Variants in SAMD4A observed in about 807,000 individuals in gnomAD.
The protein encoded by SAMD4A is protein Smaug homolog 1.
SAMD4A carries 33 observed loss-of-function variants against 81.3 expected under a neutral mutation model. The ratio of observed to expected loss-of-function variants is 0.41; its 90% CI spans 0.31 to 0.54. SAMD4A has a LOEUF of 0.54. Ranked by LOEUF, SAMD4A falls within the 20% of genes least tolerant of loss-of-function variation. SAMD4A has a pLI of 0.37. For synonymous variants in SAMD4A, 389 were observed against 382.1 expected (o/e 1.02, Z -0.21); for missense variants, 854 against 951.1 (o/e 0.90, Z 1.34).
At chr14:54,724,020 G>GGAAGGAAGGAAGGAA (rs2037343193) in intron 3 of SAMD4A, among the ~76,000 whole-genome samples, 3 of 144,834 alleles carry the variant, frequency 2.1e-5, no homozygotes, top group Non-Finnish European at 4.7e-5. Flanking sequence ...AAGGAAGGAA[G>GGAAGGAAGGAAGGAA]GAAGGAAGGA....
At chr14:54,637,949 A>G (rs1306666233) in intron 2 of SAMD4A, among the ~76,000 whole-genome samples, 1 of 152,190 alleles carries the variant, frequency 6.6e-6, no homozygotes, top group Non-Finnish European at 1.5e-5. Context: ...CCTCTCTGCT[A>G]ACACATTGCT....
intron 2 of SAMD4A, among the ~76,000 whole-genome samples, chr14:54,608,430 A>G (rs913681132): frequency 1.3e-5 from 2 of 152,248 alleles, no homozygotes; most frequent in African/African-American, 2.4e-5. Context: ...TTCCTGTTGC[A>G]TATATGTTCT....
intron 3 of SAMD4A, among the ~76,000 whole-genome samples, chr14:54,728,596 T>G (rs2037483401): frequency 6.6e-6 from 1 of 152,186 alleles, no homozygotes. Flanking sequence ...GTAGATTGAA[T>G]GCTTTAATGA....
At chr14:54,691,375 G>A (rs2036433800) in intron 2 of SAMD4A, among the ~76,000 whole-genome samples, 1 of 152,026 alleles carries the variant, frequency 6.6e-6, no homozygotes, top group Admixed American at 6.6e-5. Flanking sequence ...TTCTGGTCCA[G>A]CCACTGAGCC....
chr14:54,719,616 G>A (rs2037210230), intron 3 of SAMD4A, among the ~76,000 whole-genome samples: 1 of 152,150 alleles, frequency 6.6e-6, no homozygotes, highest in African/African-American at 2.4e-5. Flanking sequence ...CAGAATCAAA[G>A]TCCAGAACGG....
rs962655920 is a variant in SAMD4A at position 54,792,099 on chromosome 14, A to G, written c.*3155A>G. On this transcript the variant is annotated 3_prime_UTR_variant, in exon 13 of 13. Transcript: ENST00000554335. ...TGGCTTCTTACCAGAAACAGTAGGA[A>G]GAAACACATGAACTGTGTACAAGAC... 3 of 152,266 alleles carry G rather than the reference A, an allele frequency of 2.0e-5. No homozygotes were observed. Among genetic ancestry groups the G allele is most frequent in the Non-Finnish European group, 4.4e-5 (3 of 68,050 alleles). The allele number at this position is 152,266 out of a possible 1,614,324, so 9.4% of individuals were successfully genotyped here. A position where few individuals can be genotyped will look rare whatever the true frequency, so the allele number is the denominator to read the frequency against.
chr14:54,607,682 C>T (rs1363860675), intron 2 of SAMD4A, among the ~76,000 whole-genome samples: 1 of 151,924 alleles, frequency 6.6e-6, no homozygotes, highest in Non-Finnish European at 1.5e-5. Flanking sequence ...TCTCGATCTC[C>T]TGACCTTGTG....
intron 3 of SAMD4A, among the ~76,000 whole-genome samples, chr14:54,725,360 G>T (rs951279431): frequency 1.3e-5 from 2 of 152,194 alleles, no homozygotes; most frequent in Non-Finnish European, 2.9e-5. Context: ...AAATGTGTGA[G>T]AGGAAAGGAA....
At chr14:54,714,419 G>C (rs1303749015) in intron 3 of SAMD4A, among the ~76,000 whole-genome samples, 1 of 152,074 alleles carries the variant, frequency 6.6e-6, no homozygotes, top group African/African-American at 2.4e-5. Context: ...GTGTGTCATT[G>C]TTTCTGTGAT....
At chr14:54,756,045 G>A (rs547344412) in intron 6 of SAMD4A, among the ~76,000 whole-genome samples, 104 of 152,212 alleles carry the variant, frequency 6.8e-4, no homozygotes, top group Middle Eastern at 3.4e-3. Context: ...GTCCTCTTGG[G>A]TTCAGATCTG....
chr14:54,699,554 A>G (rs564843771), intron 2 of SAMD4A, among the ~76,000 whole-genome samples: 10 of 152,234 alleles, frequency 6.6e-5, no homozygotes, highest in Non-Finnish European at 1.3e-4. Flanking sequence ...TGGCATTTTA[A>G]GACTTTTAAA....
chr14:54,670,199 C>T (rs1460945326), intron 2 of SAMD4A, among the ~76,000 whole-genome samples: 1 of 152,176 alleles, frequency 6.6e-6, no homozygotes, highest in Non-Finnish European at 1.5e-5. Flanking sequence ...CTGCACCACC[C>T]TCTTGTAAAT....
At chr14:54,587,933 A>T (rs764399982) in intron 2 of SAMD4A, among the ~76,000 whole-genome samples, 1 of 152,118 alleles carries the variant, frequency 6.6e-6, no homozygotes, top group Non-Finnish European at 1.5e-5. Context: ...CTCTTTCTCT[A>T]TCTTTTGGAA....
chr14:54,597,482 T>A (rs1741989830), intron 2 of SAMD4A, among the ~76,000 whole-genome samples: 1 of 151,478 alleles, frequency 6.6e-6, no homozygotes, highest in Admixed American at 6.6e-5. Flanking sequence ...TCCATGTTGG[T>A]CAGGCTGGTC....
intron 2 of SAMD4A, among the ~76,000 whole-genome samples, chr14:54,688,475 A>T (rs1417453710): frequency 6.6e-6 from 1 of 152,214 alleles, no homozygotes; most frequent in Non-Finnish European, 1.5e-5. Context: ...TTCATGAGCC[A>T]GCACAGGCTT....
intron 2 of SAMD4A, chr14:54,682,021 G>A: frequency 1.0e-6 from 1 of 985,344 alleles, no homozygotes; most frequent in Non-Finnish European, 1.2e-6. Context: ...TGGCCTTACA[G>A]AGTGTTAAGG....
intron 3 of SAMD4A, among the ~76,000 whole-genome samples, chr14:54,719,293 T>G (rs921254134): frequency 3.3e-5 from 5 of 152,126 alleles, no homozygotes; most frequent in African/African-American, 1.2e-4. Context: ...ATGACGGTCA[T>G]GAGGGTCCCA....
intron 2 of SAMD4A, among the ~76,000 whole-genome samples, chr14:54,672,311 T>C (rs2035902562): frequency 6.6e-6 from 1 of 152,076 alleles, no homozygotes; most frequent in South Asian, 2.1e-4. Flanking sequence ...TCTTTACTCT[T>C]CCTAAGCGCA....
chr14:54,749,178 G>T (rs2038037234), intron 5 of SAMD4A, among the ~76,000 whole-genome samples: 1 of 152,214 alleles, frequency 6.6e-6, no homozygotes, highest in South Asian at 2.1e-4. Context: ...GTGTGAAAAG[G>T]CATAATCTCG....
Sources: allele counts gnomAD v4.1 joint callset (sites outside exome capture counted in the v4.1 genomes callset), GRCh38; gene constraint gnomAD v4.1.1; transcripts MANE v1.5; gene names NCBI Gene and HGNC (gene_info 2026-07-23, HGNC 2026-07-21).